Variants in ROBO2 observed in about 807,000 individuals in gnomAD.
ROBO2 encodes roundabout guidance receptor 2.
In ROBO2, 53 loss-of-function variants were observed where a neutral mutation model predicts 160.8. That is an observed-to-expected ratio of 0.33 (90% CI 0.26 to 0.41). The LOEUF is 0.41. ROBO2 is among the 10% of genes least tolerant of loss of function. ROBO2 has a pLI of 1.00. For missense variants in ROBO2, 1,577 were observed against 1,722.4 expected, an observed-to-expected ratio of 0.92 and a Z score of 1.49; for synonymous variants, 664 against 611.7, an observed-to-expected ratio of 1.09 and a Z score of -1.26.
At chr3:76,936,528 C>T (rs1431303502) in intron 2 of ROBO2, among the ~76,000 whole-genome samples, 1 of 151,762 alleles carries the variant, frequency 6.6e-6, no homozygotes, top group Non-Finnish European at 1.5e-5. Flanking sequence ...AAGGTGTGAC[C>T]TGAAGGATTT....
At chr3:76,893,566 G>C (rs192594724) in intron 2 of ROBO2, among the ~76,000 whole-genome samples, 1 of 150,972 alleles carries the variant, frequency 6.6e-6, no homozygotes, top group Non-Finnish European at 1.5e-5. Flanking sequence ...CATATATATG[G>C]GTTATATGCA....
rs111846878 is a variant in ROBO2 at position 76,185,215 on chromosome 3, T to C, written c.109+247613T>C. The stretch of plus-strand genomic sequence containing the variant: ...ACACAGATATATATATATATATATA[T>C]ACACACACAAAGATGTTATATATAC... On this transcript the variant is annotated intron_variant, in intron 2 of 26. Transcript: ENST00000487694. 4.3e-3 allele frequency among the ~76,000 whole-genome samples: 385 copies of C among 90,292 alleles called. 18 individuals carry two copies. The highest frequency in any genetic ancestry group is 9.1e-3 in the Middle Eastern group (1 of 110). 59.2% of individuals were successfully genotyped at this position (90,292 alleles called of 152,430 possible). A position where few individuals can be genotyped will look rare whatever the true frequency, so the allele number is the denominator to read the frequency against.
intron 2 of ROBO2, among the ~76,000 whole-genome samples, chr3:77,392,483 G>A (rs2074840039): frequency 2.6e-5 from 4 of 152,168 alleles, no homozygotes; most frequent in South Asian, 2.1e-4. Flanking sequence ...CCTGACTCTC[G>A]TTTCCATCTC....
chr3:77,099,071 C>CTTTTTTTTTT (rs750626067), intron 2 of ROBO2, among the ~76,000 whole-genome samples: 4 of 121,246 alleles, frequency 3.3e-5, no homozygotes, highest in African/African-American at 6.1e-5. Flanking sequence ...TTCTTTCTTT[C>CTTTTTTTTTT]TTTTTTTTTT....
chr3:76,894,747 A>G (rs2074632198), intron 2 of ROBO2, among the ~76,000 whole-genome samples: 1 of 152,128 alleles, frequency 6.6e-6, no homozygotes, highest in Non-Finnish European at 1.5e-5. Context: ...TTTCCTGTGT[A>G]TACCATGGAC....
At chr3:76,588,461 C>T (rs1489627264) in intron 2 of ROBO2, among the ~76,000 whole-genome samples, 3 of 152,084 alleles carry the variant, frequency 2.0e-5, no homozygotes, top group Non-Finnish European at 4.4e-5. Flanking sequence ...ATTTTCATAG[C>T]TGATTATATA....
chr3:77,559,105 G>C (rs990879611), intron 9 of ROBO2, among the ~76,000 whole-genome samples: 2 of 152,052 alleles, frequency 1.3e-5, no homozygotes, highest in African/African-American at 4.8e-5. Context: ...TTGCCATCTG[G>C]ATCTTCCCCA....
intron 2 of ROBO2, among the ~76,000 whole-genome samples, chr3:76,001,195 G>C (rs984689161): frequency 2.6e-5 from 4 of 152,140 alleles, no homozygotes; most frequent in Admixed American, 2.0e-4. Flanking sequence ...AGCACAACTT[G>C]AATCAATCAT....
intron 2 of ROBO2, among the ~76,000 whole-genome samples, chr3:77,025,631 C>T (rs1199210157): frequency 6.6e-6 from 1 of 152,168 alleles, no homozygotes; most frequent in Non-Finnish European, 1.5e-5. Context: ...AGAATCTTTA[C>T]AGCTCTCTTA....
chr3:77,142,459 T>C (rs2076781840), intron 2 of ROBO2, among the ~76,000 whole-genome samples: 1 of 152,208 alleles, frequency 6.6e-6, no homozygotes, highest in Non-Finnish European at 1.5e-5. Context: ...GTGATACTTC[T>C]GAGGAGTGCT....
chr3:76,217,096 T>C (rs1038461729), intron 2 of ROBO2, among the ~76,000 whole-genome samples: 5 of 151,992 alleles, frequency 3.3e-5, no homozygotes, highest in African/African-American at 1.2e-4. Context: ...GAAATAAAGG[T>C]GTTCTTTGAA....
At chr3:76,475,071 T>A (rs1394364947) in intron 2 of ROBO2, among the ~76,000 whole-genome samples, 1 of 150,724 alleles carries the variant, frequency 6.6e-6, no homozygotes, top group Non-Finnish European at 1.5e-5. Flanking sequence ...GGGGAGGAAA[T>A]ATTTTTAAAC....
chr3:76,188,937 C>A (rs1206959200), intron 2 of ROBO2, among the ~76,000 whole-genome samples: 1 of 152,030 alleles, frequency 6.6e-6, no homozygotes, highest in Non-Finnish European at 1.5e-5. Flanking sequence ...TTATGAATGT[C>A]AAATGCTGCA....
intron 6 of ROBO2, among the ~76,000 whole-genome samples, chr3:77,537,203 G>C (rs1257824331): frequency 6.7e-6 from 1 of 150,264 alleles, no homozygotes; most frequent in African/African-American, 2.5e-5. Context: ...CTGTTATTTT[G>C]TCGTCATACT....
chr3:77,635,518 T>C (rs2095249562), intron 24 of ROBO2, among the ~76,000 whole-genome samples: 1 of 152,212 alleles, frequency 6.6e-6, no homozygotes, highest in Non-Finnish European at 1.5e-5. Flanking sequence ...TCTTAGTCTG[T>C]CTGGGCTGCT....
intron 1 of ROBO2, among the ~76,000 whole-genome samples, chr3:77,061,336 C>G (rs1177135616): frequency 1.1e-4 from 17 of 152,112 alleles, no homozygotes; most frequent in Admixed American, 1.1e-3. Context: ...TTACCTTGTT[C>G]TAAGATTCTT....
At chr3:76,388,410 T>C (rs990383105) in intron 2 of ROBO2, among the ~76,000 whole-genome samples, 5 of 152,054 alleles carry the variant, frequency 3.3e-5, no homozygotes, top group African/African-American at 1.2e-4. Context: ...TAGCTGGGAC[T>C]ACAGGCACCC....
intron 2 of ROBO2, among the ~76,000 whole-genome samples, chr3:76,261,797 A>G (rs962169636): frequency 3.3e-5 from 5 of 152,068 alleles, no homozygotes; most frequent in African/African-American, 9.7e-5. Flanking sequence ...TCTATTTGAA[A>G]TAGCAATTCC....
chr3:77,555,673 G>A (rs1666112), intron 8 of ROBO2, among the ~76,000 whole-genome samples: 84,598 of 151,390 alleles, frequency 0.56, 23,676 homozygotes, highest in Middle Eastern at 0.68. Flanking sequence ...GGGGAGATAA[G>A]ATGTATTTAT....
Sources: allele counts gnomAD v4.1 joint callset (sites outside exome capture counted in the v4.1 genomes callset), GRCh38; gene constraint gnomAD v4.1.1; transcripts MANE v1.5; gene names NCBI Gene and HGNC (gene_info 2026-07-23, HGNC 2026-07-21).